The following IL6R variants were observed in gnomAD, a reference collection of about 807,000 sequenced individuals.
IL6R encodes interleukin 6 receptor, also known as interleukin-6 receptor subunit alpha.
A neutral mutation model predicts 48.3 loss-of-function variants in IL6R; 38 were observed. That is an observed-to-expected ratio of 0.79 (90% confidence interval 0.61 to 1.03). IL6R has a LOEUF of 1.03. Ranked by LOEUF, IL6R falls within the 50% of genes least tolerant of loss-of-function variation. The probability of loss-of-function intolerance (pLI) is 0.00; values close to 1 mark genes in which losing one functional copy is unlikely to be tolerated. For missense variants in IL6R, 534 were observed against 618.3 expected, an observed-to-expected ratio of 0.86 and a Z score of 1.45; for synonymous variants, 264 against 256.2, an observed-to-expected ratio of 1.03 and a Z score of -0.29.
rs1691513844 is a variant in IL6R at position 154,465,491 on chromosome 1, T to C, written c.*111T>C. 1.6e-6 allele frequency: 2 copies of C among 1,290,042 alleles called. No individual in the cohort carries two copies. The highest frequency in any genetic ancestry group is 1.1e-6 in the Non-Finnish European group (1 of 910,106). The allele number at this position is 1,290,042 out of a possible 1,614,324, so 79.9% of individuals were successfully genotyped here. A position where few individuals can be genotyped will look rare whatever the true frequency, so the allele number is the denominator to read the frequency against. ...AGCTTATCTCAGGGGTGTGCGGCCT[T>C]TGGCTTCACGGAAGAGCCTTGCGGA... On this transcript the variant is annotated 3_prime_UTR_variant, in exon 10 of 10. Transcript: ENST00000368485.
intron 6 of IL6R, among the ~76,000 whole-genome samples, chr1:154,444,130 G>A (rs1446662177): frequency 6.6e-6 from 1 of 151,940 alleles, no homozygotes; most frequent in East Asian, 1.9e-4. Context: ...GTGCACAACT[G>A]GGTGATTCCT....
intron 9 of IL6R, among the ~76,000 whole-genome samples, chr1:154,459,124 TC>T (rs1250750887): frequency 2.0e-5 from 3 of 152,138 alleles, no homozygotes; most frequent in Admixed American, 2.0e-4. Context: ...GCCCAGCTGG[TC>T]CCATTGGCCC....
chr1:154,452,930 C>T (rs773466548), intron 8 of IL6R, among the ~76,000 whole-genome samples: 28 of 152,038 alleles, frequency 1.8e-4, no homozygotes, highest in Non-Finnish European at 2.9e-4. Flanking sequence ...TATGGCCAGG[C>T]GCCGTGGCTC....
chr1:154,448,196 G>T, intron 7 of IL6R, 25 bp downstream of exon 7: 2 of 1,605,508 alleles, frequency 1.2e-6, no homozygotes, highest in Non-Finnish European at 1.7e-6. Flanking sequence ...TTGTAAAAGG[G>T]TCAGGGCTGC....
chr1:154,447,712 T>C (rs1690351341), intron 6 of IL6R, among the ~76,000 whole-genome samples: 1 of 151,670 alleles, frequency 6.6e-6, no homozygotes, highest in African/African-American at 2.4e-5. Flanking sequence ...TTTTGTTTTG[T>C]TTTGTTTTGT....
chr1:154,445,163 C>T (rs1690149442), intron 6 of IL6R: 2 of 454,784 alleles, frequency 4.4e-6, no homozygotes, highest in African/African-American at 2.0e-5. Flanking sequence ...AATAGAGGAG[C>T]AGTGATGAGC....
At chr1:154,447,016 C>T (rs533398125) in intron 6 of IL6R, among the ~76,000 whole-genome samples, 3 of 152,178 alleles carry the variant, frequency 2.0e-5, no homozygotes, top group Non-Finnish European at 2.9e-5. Flanking sequence ...TGGCACACGC[C>T]TGTAGTCCCA....
intron 3 of IL6R, among the ~76,000 whole-genome samples, chr1:154,432,942 C>T (rs947201271): frequency 1.3e-5 from 2 of 152,224 alleles, no homozygotes; most frequent in African/African-American, 4.8e-5. Context: ...TGTCTGCTTT[C>T]ACACCCTTGC....
chr1:154,421,728 T>C (rs1688675307), intron 1 of IL6R, among the ~76,000 whole-genome samples: 1 of 152,118 alleles, frequency 6.6e-6, no homozygotes, highest in Non-Finnish European at 1.5e-5. Flanking sequence ...CAAGTGATCC[T>C]TCTGCCACAG....
chr1:154,464,656 C>A (rs550866186), intron 9 of IL6R, among the ~76,000 whole-genome samples: 184 of 152,234 alleles, frequency 1.2e-3, no homozygotes, highest in Middle Eastern at 6.8e-3. Flanking sequence ...ATGGTGAACT[C>A]CCTGGTGATA....
intron 6 of IL6R, among the ~76,000 whole-genome samples, chr1:154,447,454 A>AATAT (rs1299735875): frequency 4.3e-4 from 30 of 70,100 alleles, no homozygotes; most frequent in African/African-American, 1.1e-3. Flanking sequence ...AAAAAAAAAA[A>AATAT]ATATATATAT....
Position 154,405,529 on chromosome 1 carries a change from G to GTCC in IL6R, c.-101_-100insTCC. On this transcript the variant is annotated 5_prime_UTR_variant, in exon 1 of 10. Transcript: ENST00000368485. This position sits in a 1 kb window ranked among gnomAD's most constrained non-coding sequence, Gnocchi z 5.2. Reference sequence around the variant, plus strand: ...CTGCCCCCGGGGCCTGAGCCCGCCTGCCCGCCCACCGCCCCGCCCCGCCCC... The same window carrying GTCC: ...CTGCCCCCGGGGCCTGAGCCCGCCTGTCCCCCGCCCACCGCCCCGCCCCGCCCC... The GTCC allele has an allele frequency of 1.5e-4, 57 of 388,502 alleles. No homozygotes were observed. Among genetic ancestry groups the GTCC allele is most frequent in the South Asian group, 5.1e-4 (21 of 40,870 alleles). 24.1% of individuals were successfully genotyped at this position (388,502 alleles called of 1,614,324 possible). A position where few individuals can be genotyped will look rare whatever the true frequency, so the allele number is the denominator to read the frequency against.
chr1:154,445,210 G>A (rs1690151706), intron 6 of IL6R: 2 of 421,006 alleles, frequency 4.8e-6, no homozygotes, highest in Admixed American at 5.1e-5. Context: ...GAGGAAAGGT[G>A]TGAAGTAGGG....
intron 1 of IL6R, among the ~76,000 whole-genome samples, chr1:154,423,317 T>C (rs529687611): frequency 2.1e-5 from 3 of 139,912 alleles, no homozygotes; most frequent in East Asian, 2.1e-4. Context: ...AGGCAACTTA[T>C]AGAAAATTCA....
chr1:154,454,660 A>G (rs1690774172), intron 9 of IL6R, 79 bp downstream of exon 9: 2 of 950,654 alleles, frequency 2.1e-6, no homozygotes, highest in East Asian at 2.5e-5. Flanking sequence ...TCTGAAATTT[A>G]TGGTGCATTT....
At chr1:154,435,916 T>A in intron 5 of IL6R, 53 bp from the exon 6 acceptor site, 1 of 1,487,520 alleles carries the variant, frequency 6.7e-7, no homozygotes, top group Non-Finnish European at 9.1e-7. Context: ...GGGTGCTACC[T>A]GCCCAGCACC....
rs1570951460 is a variant in IL6R, at chr1:154,429,421, G to C, written c.311G>C (p.Gly104Ala). Residue 104 changes from glycine (G) to alanine (A), a missense_variant, in exon 2 of 10, where the codon GGG (glycine) becomes GCG (alanine). Transcript: ENST00000368485. ...YSCYRAGRPA[G>A]TVHLLVDVPP... Reference sequence around the variant, plus strand: ...TGCTACCGGGCCGGCCGCCCAGCTGGGACTGTGCACTTGCTGGTGGATGGT... The same window carrying C: ...TGCTACCGGGCCGGCCGCCCAGCTGCGACTGTGCACTTGCTGGTGGATGGT... The C allele has an allele frequency of 2.5e-6, 4 of 1,612,558 alleles. No homozygotes were observed. The East Asian group carries it at 8.9e-5, about 36-fold the overall frequency.
At chr1:154,446,997 C>T (rs1027318034) in intron 6 of IL6R, among the ~76,000 whole-genome samples, 6 of 152,066 alleles carry the variant, frequency 3.9e-5, no homozygotes, top group African/African-American at 1.4e-4. Flanking sequence ...TATTTTTGGC[C>T]AGACGTGGTG....
At chr1:154,450,071 G>A (rs1690491886) in intron 8 of IL6R, 91 bp downstream of exon 8, 4 of 811,922 alleles carry the variant, frequency 4.9e-6, no homozygotes, top group African/African-American at 1.7e-5. Context: ...CATGTCGTCA[G>A]AGGATCAATC....
Sources: gnomAD v4.1 joint callset for allele counts (sites outside exome capture counted in the v4.1 genomes callset) on GRCh38, gnomAD v4.1.1 for gene constraint, Gnocchi (gnomAD v3.1) non-coding constraint, MANE v1.5 for transcripts, NCBI Gene and HGNC (gene_info 2026-07-23, HGNC 2026-07-21) for gene names.